Variants in PMEL observed in about 807,000 individuals in gnomAD.
The protein encoded by PMEL is premelanosome protein.
A neutral mutation model predicts 64.9 loss-of-function variants in PMEL; 53 were observed. The observed-to-expected ratio is 0.82, with a 90% CI of 0.66 to 1.03. PMEL has a LOEUF of 1.03. Among genes scored for constraint, PMEL ranks in the 50% least tolerant of loss-of-function variants. The pLI is 0.00. For missense variants in PMEL, 716 were observed against 814.9 expected (o/e 0.88, Z 1.48); for synonymous variants, 299 against 316.2 (o/e 0.95, Z 0.58).
chr12:55,958,143 G>A (rs1225366024), intron 4 of PMEL, 59 bp from the exon 5 acceptor site: 18 of 1,575,014 alleles, frequency 1.1e-5, no homozygotes, highest in Middle Eastern at 1.7e-4. Context: ...GGGGACTGAG[G>A]GACAGGCTTC....
intron 3 of PMEL, among the ~76,000 whole-genome samples, chr12:55,959,169 A>C (rs1027025142): frequency 6.6e-6 from 1 of 151,218 alleles, no homozygotes; most frequent in Admixed American, 6.6e-5. Flanking sequence ...TGCTTGAGGC[A>C]TGGAATTCAA....
chr12:55,958,047 C>A lies in PMEL; in HGVS notation c.507G>T (p.Gly169=). ...TTGCCCTGCCTGTCCCAATGCTCAGCCCAGACACTGGGCCCCCTAGAACTT... is the reference window on the plus strand; with the variant it reads ...TTGCCCTGCCTGTCCCAATGCTCAGACCAGACACTGGGCCCCCTAGAACTT... ...YWQVLGGPVS[G]LSIGTGRAML... Residue 169 remains glycine, a synonymous_variant, in exon 5 of 11, where the codon GGG becomes GGT. Transcript: ENST00000548747. 6.2e-7 allele frequency: 1 copy of A among 1,614,170 alleles called. No homozygotes were observed. The highest frequency in any genetic ancestry group is 1.1e-5 in the South Asian group (1 of 91,086).
upstream of PMEL, chr12:55,966,596 G>T: frequency 1.2e-6 from 1 of 821,946 alleles, no homozygotes; most frequent in Non-Finnish European, 1.5e-6. Context: ...AGGAAACTTG[G>T]ACCCAAAGCA....
chr12:55,966,127 G>T, upstream of PMEL: 5 of 1,532,000 alleles, frequency 3.3e-6, no homozygotes, highest in South Asian at 3.6e-5. Flanking sequence ...AGGCCTGGGA[G>T]GGGCCGGAGG....
intron 3 of PMEL, among the ~76,000 whole-genome samples, chr12:55,959,919 T>C (rs970457073): frequency 6.6e-6 from 1 of 152,138 alleles, no homozygotes; most frequent in Non-Finnish European, 1.5e-5. Flanking sequence ...TTCTAATCCT[T>C]ACAACAATCC....
In PMEL at chr12:55,954,232, G is replaced by A; in HGVS notation, c.1968C>T (p.Leu656=). The change falls in exon 11 of 11, where the codon CTC becomes CTT. Residue 656 remains leucine (L), a synonymous_variant. Coordinates refer to ENST00000548747, the MANE Select transcript of PMEL (RefSeq NM_001384361.1). ...AGAGTACTCAGACCTGCTGCCCACT[G>A]AGGAGGGGGCTGTTCTCACCAATGG... ...SCPIGENSPL[L]SGQQV The A allele has an allele frequency of 1.2e-6, 2 of 1,612,226 alleles. No homozygotes were observed. The highest frequency in any genetic ancestry group is 1.7e-6 in the Non-Finnish European group (2 of 1,179,034).
At chr12:55,955,401 G>T in intron 9 of PMEL, 40 bp from the exon 10 acceptor site, 1 of 1,613,016 alleles carries the variant, frequency 6.2e-7, no homozygotes, top group East Asian at 2.2e-5. Context: ...CTCAGTGTCT[G>T]CTGCTTGCCA....
chr12:55,955,577 C>A lies in PMEL; in HGVS notation c.1649G>T (p.Cys550Phe), dbSNP rs771107906. 1.2e-6 allele frequency: 2 copies of A among 1,614,040 alleles called. No homozygotes were observed. Among genetic ancestry groups the A allele is most frequent in the Non-Finnish European group, 8.5e-7 (1 of 1,180,032 alleles). Residue 550 changes from cysteine to phenylalanine, a missense_variant, in exon 9 of 11, where the codon TGC becomes TTC. Coordinates refer to ENST00000548747, the MANE Select transcript of PMEL (RefSeq NM_001384361.1). ...CAGTATCTGGTGCAGAACCAGCTGGCAGGCTGGGCTGGGTAGCACAGGCTG... is the reference window on the plus strand; with the variant it reads ...CAGTATCTGGTGCAGAACCAGCTGGAAGGCTGGGCTGGGTAGCACAGGCTG... ...LCQPVLPSPA[C>F]QLVLHQILKG...
chr12:55,959,106 G>A (rs1889005975), intron 3 of PMEL, among the ~76,000 whole-genome samples: 1 of 151,436 alleles, frequency 6.6e-6, no homozygotes, highest in Non-Finnish European at 1.5e-5. Flanking sequence ...TTGGCCAGGT[G>A]TGGTGGCTCA....
rs757860355 is a variant in PMEL, at chr12:55,958,059, G to GC, written c.494dup (p.Val167SerfsTer45). The GC allele has an allele frequency of 2.1e-4, 344 of 1,614,014 alleles. 1 individual carries two copies. Among genetic ancestry groups the GC allele is most frequent in the Non-Finnish European group, 2.7e-4 (318 of 1,180,012 alleles). On this transcript the variant is annotated frameshift_variant, in exon 5 of 11. Transcript: ENST00000548747. LOFTEE classifies it high-confidence loss of function. ...TCCCAATGCTCAGCCCAGACACTGGGCCCCCTAGAACTTGCCAGTATTGGC... is the reference window on the plus strand; with the variant it reads ...TCCCAATGCTCAGCCCAGACACTGGGCCCCCCTAGAACTTGCCAGTATTGGC...
chr12:55,963,836 T>G (rs1247572529), intron 1 of PMEL, among the ~76,000 whole-genome samples: 1 of 152,006 alleles, frequency 6.6e-6, no homozygotes, highest in Non-Finnish European at 1.5e-5. Flanking sequence ...GAAACTACCC[T>G]CACCCCATTT....
At chr12:55,960,537 GTTTTTTTT>G (rs760692409) in intron 3 of PMEL, among the ~76,000 whole-genome samples, 20 of 97,296 alleles carry the variant, frequency 2.1e-4, no homozygotes, top group East Asian at 9.0e-4. Flanking sequence ...TTTGCTTTCT[GTTTTTTTT>G]TTTTTTTTTT....
At chr12:55,960,798 C>T (rs1889073728) in intron 3 of PMEL, among the ~76,000 whole-genome samples, 1 of 150,354 alleles carries the variant, frequency 6.7e-6, no homozygotes, top group African/African-American at 2.4e-5. Flanking sequence ...CCGCCCGCCT[C>T]GGCCTCCCGA....
rs1017588681 is a variant in PMEL at position 55,957,648 on chromosome 12, C to G, written c.655G>C (p.Val219Leu). 3.7e-6 allele frequency: 6 copies of G among 1,611,632 alleles called. No homozygotes were observed. The highest frequency in any genetic ancestry group is 5.1e-6 in the Non-Finnish European group (6 of 1,178,992). Residue 219 changes from valine (V) to leucine (L), a missense_variant, in exon 6 of 11, where the codon GTG becomes CTG. By Grantham distance (32) the Val-to-Leu change is conservative. Coordinates refer to ENST00000548747, the MANE Select transcript of PMEL (RefSeq NM_001384361.1). ...CCATCCAAGGCCCGCAACTGGGACACGCTCACGGAGAAAGGCACCTGGTCT... is the reference window on the plus strand; with the variant it reads ...CCATCCAAGGCCCGCAACTGGGACAGGCTCACGGAGAAAGGCACCTGGTCT... The part of the protein sequence containing the change: ...ITDQVPFSVS[V>L]SQLRALDGGN...
At chr12:55,960,574 G>A (rs1258362172) in intron 3 of PMEL, among the ~76,000 whole-genome samples, 6 of 118,458 alleles carry the variant, frequency 5.1e-5, no homozygotes, top group Admixed American at 2.2e-4. Flanking sequence ...ATGGAGTCTC[G>A]CTCTGTCGCC....
At position 55,957,980 on chromosome 12, in the gene PMEL, G is replaced by A. The variant is rs200641128; in HGVS notation, c.574C>T (p.Arg192Trp). The A allele has an allele frequency of 1.8e-4, 284 of 1,614,072 alleles. No homozygotes were observed. The highest frequency in any genetic ancestry group is 2.3e-4 in the Non-Finnish European group (270 of 1,180,044). Reference sequence around the variant, plus strand: ...AGAGGCACATAGCTCCGGGATCCCCGGCGATGGTAGACAGTCACTTCCATG... The same window carrying A: ...AGAGGCACATAGCTCCGGGATCCCCAGCGATGGTAGACAGTCACTTCCATG... ...HTMEVTVYHR[R>W]GSRSYVPLAH... Residue 192 changes from arginine to tryptophan, a missense_variant, in exon 5 of 11, where the codon CGG becomes TGG. By Grantham distance (101) the Arg-to-Trp change is moderately radical (BLOSUM62 -3). Coordinates refer to ENST00000548747, the MANE Select transcript of PMEL (RefSeq NM_001384361.1).
chr12:55,962,516 CTTTTTTTTTT>C (rs1161956723), intron 1 of PMEL, among the ~76,000 whole-genome samples: 3 of 73,166 alleles, frequency 4.1e-5, no homozygotes, highest in South Asian at 5.5e-4. Flanking sequence ...TATTATTACT[CTTTTTTTTTT>C]TTTTTTTTTT....
intron 1 of PMEL, among the ~76,000 whole-genome samples, chr12:55,962,917 C>A (rs879300977): frequency 2.6e-5 from 4 of 151,514 alleles, no homozygotes; most frequent in Non-Finnish European, 5.9e-5. Context: ...AATCCCAGCA[C>A]TTTGAGAGGC....
Sources: allele counts gnomAD v4.1 joint callset (sites outside exome capture counted in the v4.1 genomes callset), GRCh38; gene constraint gnomAD v4.1.1; transcripts MANE v1.5; gene names NCBI Gene and HGNC (gene_info 2026-07-23, HGNC 2026-07-21).